RIF1: variants seen among roughly 807,000 people sequenced by gnomAD.
The protein encoded by RIF1 is telomere-associated protein RIF1.
RIF1 carries 45 observed loss-of-function variants against 247.1 expected under a neutral mutation model. The observed-to-expected ratio is 0.18, with a 90% confidence interval of 0.14 to 0.23. RIF1 has a LOEUF of 0.23. RIF1 is among the 10% of genes least tolerant of loss of function. RIF1 has a pLI of 1.00. For missense variants in RIF1, 2,967 were observed against 2,862.5 expected, an observed-to-expected ratio of 1.04 and a Z score of -0.83; for synonymous variants, 1,087 against 978.8, an observed-to-expected ratio of 1.11 and a Z score of -2.06.
intron 7 of RIF1, among the ~76,000 whole-genome samples, chr2:151,421,065 C>T (rs574677073): frequency 6.6e-6 from 1 of 152,202 alleles, no homozygotes; most frequent in African/African-American, 2.4e-5. Context: ...CTAGTTATTA[C>T]TTGCCACAGG....
the RIF1 span, chr2:151,518,263 C>G: frequency 7.8e-7 from 1 of 1,277,006 alleles, no homozygotes; most frequent in Admixed American, 1.7e-5. Context: ...TTTTTTTTCA[C>G]ATTGTACTGT....
downstream of RIF1, chr2:151,512,728 C>T (rs778663301): frequency 3.2e-5 from 51 of 1,607,288 alleles, no homozygotes; most frequent in Non-Finnish European, 4.3e-5. Flanking sequence ...GACGAATGTC[C>T]TTACCTGGCT....
At chr2:151,447,670 C>T (rs557669948) in intron 20 of RIF1, among the ~76,000 whole-genome samples, 67 of 152,282 alleles carry the variant, frequency 4.4e-4, no homozygotes, top group African/African-American at 2.2e-4. Context: ...CTCAGCTTCC[C>T]GAGTTGCTGG....
chr2:151,464,741 C>G lies in RIF1; in HGVS notation c.5221C>G (p.Pro1741Ala), dbSNP rs1163545348. The G allele has an allele frequency of 1.1e-5, 18 of 1,613,514 alleles. No homozygotes were observed. Among genetic ancestry groups the G allele is most frequent in the Non-Finnish European group, 1.4e-5 (17 of 1,179,834 alleles). Residue 1741 changes from proline (P) to alanine (A), a missense_variant, in exon 30 of 36, where the codon CCT becomes GCT. Coordinates refer to ENST00000444746, the MANE Select transcript of RIF1 (RefSeq NM_018151.5). ...TGATTGCTGTGGGGAAAAATCACAACCTCAGGAAAAGTCACTCATTGGGTT... is the reference window on the plus strand; with the variant it reads ...TGATTGCTGTGGGGAAAAATCACAAGCTCAGGAAAAGTCACTCATTGGGTT... Reference protein sequence around the residue: ...GCDCCGEKSQPQEKSLIGLKN... With the variant: ...GCDCCGEKSQAQEKSLIGLKN...
Position 151,490,287 on chromosome 2 carries a change from G to C in RIF1, c.*416-4942G>C, listed in dbSNP as rs77027033. 1.2e-3 allele frequency: 1,807 copies of C among 1,482,510 alleles called. 41 individuals are homozygous for C. In the East Asian group the frequency reaches 0.038, roughly 31 times the overall value. 91.8% of individuals were successfully genotyped at this position (1,482,510 alleles called of 1,614,324 possible). On this transcript the variant is annotated intron_variant and NMD_transcript_variant, in intron 9 of 13. Transcript: ENST00000454583. ...GAAAGGATGAAAAATTTTTAAATTT[G>C]TTTTTGTACTCAAAGCATCTCTTAT...
At chr2:151,531,753 C>T in the RIF1 span, 2 of 1,465,126 alleles carry the variant, frequency 1.4e-6, no homozygotes, top group Non-Finnish European at 1.9e-6. Flanking sequence ...GCAGATGCCC[C>T]CTGAGTTTGA....
intron 6 of RIF1, among the ~76,000 whole-genome samples, chr2:151,418,190 AAATT>A (rs1218285399): frequency 6.6e-6 from 1 of 152,180 alleles, no homozygotes; most frequent in Non-Finnish European, 1.5e-5. Flanking sequence ...TTTTTAAAAT[AAATT>A]AACCTCTACT....
chr2:151,440,536 T>A (rs1426992299), intron 15 of RIF1, among the ~76,000 whole-genome samples: 1 of 152,030 alleles, frequency 6.6e-6, no homozygotes, highest in Non-Finnish European at 1.5e-5. Context: ...CTTTTTTTTT[T>A]AAACCCGTGT....
intron 34 of RIF1, among the ~76,000 whole-genome samples, chr2:151,473,522 T>C (rs934495290): frequency 2.0e-5 from 3 of 151,882 alleles, no homozygotes; most frequent in South Asian, 2.1e-4. Flanking sequence ...TCAAGTGATC[T>C]ACCCACCTTG....
rs372584902 is a variant in RIF1 at position 151,440,526 on chromosome 2, C to CT, written c.1647+409dup. Among the ~76,000 whole-genome samples the CT allele has an allele frequency of 2.9e-4, 43 of 148,110 alleles. 1 individual carries two copies. The highest frequency in any genetic ancestry group is 6.5e-4 in the South Asian group (3 of 4,636). On this transcript the variant is annotated intron_variant, in intron 15 of 35. Coordinates refer to ENST00000444746, the MANE Select transcript of RIF1 (RefSeq NM_018151.5). ...GATAATGACTTTGGTATTAAAACCC[C>CT]TTTTTTTTTTAAACCCGTGTAGTAC...
chr2:151,501,579 G>A, intron 11 of RIF1: 2 of 603,678 alleles, frequency 3.3e-6, no homozygotes, highest in Non-Finnish European at 5.3e-6. Context: ...TATTTTTATT[G>A]TTGTTTTTAT....
intron 9 of RIF1, chr2:151,493,105 ATTAAC>A (rs1471528081): frequency 3.6e-5 from 15 of 419,820 alleles, no homozygotes; most frequent in Non-Finnish European, 6.0e-5. Context: ...AACATTGGCA[ATTAAC>A]TTGTTATGTT....
rs1171339000 is a variant in RIF1, at chr2:151,465,553, TGAA to T, written c.6037_6039del (p.Glu2013del). 3.7e-6 allele frequency: 6 copies of T among 1,613,846 alleles called. No homozygotes were observed. The highest frequency in any genetic ancestry group is 1.3e-5 in the African/African-American group (1 of 74,922). ...ATGATGTATCTGATCTACACTCATCTGAAGAAACGAATACCAAAATGAAAAATA... is the reference window on the plus strand; with the variant it reads ...ATGATGTATCTGATCTACACTCATCTGAAACGAATACCAAAATGAAAAATA... On this transcript the variant is annotated inframe_deletion, in exon 30 of 36. Coordinates refer to ENST00000444746, the MANE Select transcript of RIF1 (RefSeq NM_018151.5).
chr2:151,439,848 C>G (rs1385392828), intron 14 of RIF1, among the ~76,000 whole-genome samples, 179 bp from the exon 15 acceptor site: 2 of 150,492 alleles, frequency 1.3e-5, no homozygotes, highest in East Asian at 3.9e-4. Context: ...TGGTGCACAC[C>G]TGTAATCCCA....
chr2:151,460,626 C>A (rs1438679432), intron 26 of RIF1, among the ~76,000 whole-genome samples: 1 of 152,118 alleles, frequency 6.6e-6, no homozygotes, highest in African/African-American at 2.4e-5. Context: ...AATCTTGAGA[C>A]CATGGCCCTG....
chr2:151,519,099 AC>A, the RIF1 span: 1 of 1,391,398 alleles, frequency 7.2e-7, no homozygotes. Context: ...AAAGGAAATC[AC>A]GTAAATAGGA....
intron 3 of RIF1, 63 bp downstream of exon 3, chr2:151,411,401 GT>G (rs375522651): frequency 1.8e-6 from 2 of 1,103,034 alleles, no homozygotes; most frequent in Non-Finnish European, 1.3e-6. Flanking sequence ...TTTTGGTTTT[GT>G]TTTTTTGTTT....
the RIF1 span, chr2:151,534,146 G>T: frequency 9.1e-7 from 1 of 1,100,274 alleles, no homozygotes; most frequent in Non-Finnish European, 1.4e-6. Context: ...TGCAGCAGAC[G>T]GGATGACATC....
the RIF1 span, chr2:151,526,171 T>A: frequency 1.4e-4 from 222 of 1,613,950 alleles, 2 homozygotes; most frequent in East Asian, 4.7e-3. Flanking sequence ...AGACACCAGG[T>A]TGCTGACAGT....
Sources: allele counts gnomAD v4.1 joint callset (sites outside exome capture counted in the v4.1 genomes callset), GRCh38; gene constraint gnomAD v4.1.1; transcripts MANE v1.5; gene names NCBI Gene and HGNC (gene_info 2026-07-23, HGNC 2026-07-21).